Variants in IFT88 observed in about 807,000 individuals in gnomAD.
The protein encoded by IFT88 is intraflagellar transport protein 88 homolog.
IFT88 carries 74 observed loss-of-function variants against 119.5 expected under a neutral mutation model. That is an observed-to-expected ratio of 0.62 (90% CI 0.51 to 0.75). IFT88 has a LOEUF of 0.75. IFT88 is among the 30% of genes least tolerant of loss of function. The pLI, the probability that IFT88 is intolerant of heterozygous loss-of-function variation, is 0.00. For synonymous variants in IFT88, 279 were observed against 316.7 expected, an observed-to-expected ratio of 0.88 and a Z score of 1.26; for missense variants, 961 against 977.7, an observed-to-expected ratio of 0.98 and a Z score of 0.23.
intron 20 of IFT88, among the ~76,000 whole-genome samples, chr13:20,645,983 T>C (rs1036723013): frequency 3.9e-5 from 6 of 152,230 alleles, no homozygotes; most frequent in Admixed American, 3.9e-4. Context: ...ATTTCAGTAA[T>C]ACACTGTAAG....
rs985543736 is a variant in IFT88 at position 20,691,121 on chromosome 13, C to T, written c.2421C>T (p.Ile807=). 12 of 1,613,682 alleles carry T rather than the reference C, an allele frequency of 7.4e-6. No individual in the cohort carries two copies. The highest frequency in any genetic ancestry group is 2.7e-5 in the African/African-American group (2 of 74,994). Reference sequence around the variant, plus strand: ...CAAAAACTGCAGCCAAGAAAAGGATCGATGAGGATGATTTTGCTGATGAAG... The same window carrying T: ...CAAAAACTGCAGCCAAGAAAAGGATTGATGAGGATGATTTTGCTGATGAAG... The part of the protein sequence containing the change: ...ERPKTAAKKR[I]DEDDFADEEL... The change falls in exon 26 of 26, where the codon ATC becomes ATT. Residue 807 remains isoleucine (I), a synonymous_variant. Transcript: ENST00000351808.
At chr13:20,671,070 G>C (rs778630185) in intron 24 of IFT88, 31 bp downstream of exon 24, 1 of 1,583,890 alleles carries the variant, frequency 6.3e-7, no homozygotes, top group East Asian at 2.2e-5. Context: ...TGAAAAACTT[G>C]GTTTCCACAT....
intron 14 of IFT88, among the ~76,000 whole-genome samples, chr13:20,616,505 A>G (rs980638759): frequency 5.3e-5 from 8 of 152,260 alleles, no homozygotes; most frequent in African/African-American, 1.9e-4. Flanking sequence ...ATACAGTAAC[A>G]TGCTGTAGAG....
intron 22 of IFT88, 146 bp downstream of exon 22, chr13:20,656,576 A>C (rs1469127878): frequency 1.0e-5 from 4 of 384,512 alleles, no homozygotes; most frequent in African/African-American, 8.3e-5. Flanking sequence ...TTATAGCATC[A>C]GAAAATTTGA....
At chr13:20,596,088 ATTTTAGT>A in intron 7 of IFT88, 55 bp from the exon 8 acceptor site, 6 of 486,928 alleles carry the variant, frequency 1.2e-5, no homozygotes, top group Non-Finnish European at 2.0e-5. Context: ...AATAAAATAA[ATTTTAGT>A]ATAGATTTTT....
Position 20,623,891 on chromosome 13 carries a change from G to A in IFT88, c.1200-1859G>A, listed in dbSNP as rs138055673. Among the ~76,000 whole-genome samples, 117 of 152,286 alleles carry A rather than the reference G, an allele frequency of 7.7e-4. No individual in the cohort carries two copies. In the East Asian group the frequency reaches 0.021, roughly 28 times the overall value. On this transcript the variant is annotated intron_variant, in intron 14 of 25. Transcript: ENST00000351808. ...TAAGTATTGTATTCTTTTTGGCACT[G>A]TTGTCGATGGAATTGTACTCTTAAT...
chr13:20,610,274 G>C (rs1222024089), intron 13 of IFT88, among the ~76,000 whole-genome samples: 1 of 152,116 alleles, frequency 6.6e-6, no homozygotes, highest in Non-Finnish European at 1.5e-5. Flanking sequence ...CTGTTCGCTA[G>C]TCTGTTGTTT....
Position 20,641,362 on chromosome 13 carries a change from G to T in IFT88, c.1646G>T (p.Arg549Leu). 1 of 1,611,988 alleles carries T rather than the reference G, an allele frequency of 6.2e-7. No individual in the cohort carries two copies. The highest frequency in any genetic ancestry group is 1.1e-5 in the South Asian group (1 of 90,798). ...TTCCTGAAACTTCACGCAATCCTAC[G>T]AAACAGTGCCGAAGTTCTTTACCAG... ...DCFLKLHAIL[R>L]NSAEVLYQIA... The change falls in exon 18 of 26, where the codon CGA becomes CTA. Residue 549 changes from arginine to leucine, a missense_variant. Coordinates refer to ENST00000351808, the MANE Select transcript of IFT88 (RefSeq NM_006531.5).
intron 20 of IFT88, among the ~76,000 whole-genome samples, chr13:20,645,769 T>C (rs2050654378): frequency 6.6e-6 from 1 of 152,218 alleles, no homozygotes; most frequent in African/African-American, 2.4e-5. Context: ...TTTGGCCATA[T>C]TGAATTTTAA....
chr13:20,571,920 G>C (rs1221493290), intron 1 of IFT88, among the ~76,000 whole-genome samples: 1 of 152,176 alleles, frequency 6.6e-6, no homozygotes, highest in East Asian at 1.9e-4. Flanking sequence ...TATGTGTCCT[G>C]AGTGCCTCCC....
At chr13:20,628,767 T>C (rs1017694644) in intron 15 of IFT88, among the ~76,000 whole-genome samples, 23 of 152,214 alleles carry the variant, frequency 1.5e-4, no homozygotes, top group Non-Finnish European at 2.8e-4. Context: ...ATGTTTTAAG[T>C]TGTAAATACC....
intron 24 of IFT88, among the ~76,000 whole-genome samples, chr13:20,672,628 G>T (rs192334569): frequency 5.1e-4 from 78 of 152,252 alleles, no homozygotes; most frequent in African/African-American, 1.8e-3. Context: ...AAAACCCCTG[G>T]GGCCAGGTGT....
chr13:20,690,350 A>G lies in IFT88; in HGVS notation c.2243-355A>G, dbSNP rs200148848. 4.6e-5 allele frequency among the ~76,000 whole-genome samples: 7 copies of G among 152,286 alleles called. No individual in the cohort carries two copies. In the East Asian group the frequency reaches 1.2e-3, roughly 25 times the overall value. On this transcript the variant is annotated intron_variant, in intron 24 of 25. Transcript: ENST00000351808. ...CAGTTTTATCTGAAAATCCTCAGTGATACATATTACATTTTTTCCTAAGGC... is the reference window on the plus strand; with the variant it reads ...CAGTTTTATCTGAAAATCCTCAGTGGTACATATTACATTTTTTCCTAAGGC...
chr13:20,574,294 T>G, intron 1 of IFT88, 86 bp from the exon 2 acceptor site: 1 of 614,378 alleles, frequency 1.6e-6, no homozygotes, highest in South Asian at 3.0e-5. Flanking sequence ...CATTCCAGCC[T>G]GGGCAACAGA....
intron 13 of IFT88, chr13:20,608,051 C>T (rs1481649914): frequency 3.7e-6 from 2 of 545,458 alleles, no homozygotes; most frequent in Non-Finnish European, 3.5e-6. Context: ...CTCCTCTTCC[C>T]CCAGCACGGG....
intron 3 of IFT88, among the ~76,000 whole-genome samples, chr13:20,585,763 C>T (rs1485519862): frequency 1.3e-5 from 2 of 152,250 alleles, no homozygotes; most frequent in African/African-American, 4.8e-5. Context: ...GGCCAGACCT[C>T]TCTTTGAGTA....
chr13:20,598,605 C>T (rs770739309), intron 9 of IFT88, 46 bp from the exon 10 acceptor site: 1 of 1,106,124 alleles, frequency 9.0e-7, no homozygotes, highest in Non-Finnish European at 1.4e-6. Flanking sequence ...GTGAAAGGGG[C>T]CTAAAGTGGT....
At chr13:20,663,669 A>G (rs774972919) in intron 23 of IFT88, 65 bp downstream of exon 23, 6 of 1,141,424 alleles carry the variant, frequency 5.3e-6, no homozygotes, top group Middle Eastern at 2.0e-4. Context: ...CTATAGCTCA[A>G]ATGTGTGATG....
chr13:20,641,140 C>T (rs2049889490), intron 17 of IFT88, 150 bp from the exon 18 acceptor site: 1 of 544,734 alleles, frequency 1.8e-6, no homozygotes. Flanking sequence ...GGAGTGAGAC[C>T]CTGTATCAAA....
Sources: gnomAD v4.1 joint callset for allele counts (sites outside exome capture counted in the v4.1 genomes callset) on GRCh38, gnomAD v4.1.1 for gene constraint, MANE v1.5 for transcripts, NCBI Gene and HGNC (gene_info 2026-07-23, HGNC 2026-07-21) for gene names.